SPAG16: variants seen among roughly 807,000 people sequenced by gnomAD.
SPAG16 encodes the protein sperm-associated antigen 16 protein.
Under a neutral mutation model 80.4 loss-of-function variants are expected in SPAG16, and 86 were observed. The observed-to-expected ratio is 1.07, with a 90% confidence interval of 0.90 to 1.28. The LOEUF (loss-of-function observed/expected upper bound fraction) is 1.28, where lower values mean the gene tolerates loss of function less well. Ranked by LOEUF, SPAG16 falls within the 50% of genes most tolerant of loss-of-function variation. The pLI, the probability that SPAG16 is intolerant of heterozygous loss-of-function variation, is 0.00. For missense variants in SPAG16, 870 were observed against 765.3 expected, an observed-to-expected ratio of 1.14 and a Z score of -1.61; for synonymous variants, 294 against 265.9, an observed-to-expected ratio of 1.11 and a Z score of -1.03.
intron 13 of SPAG16, among the ~76,000 whole-genome samples, chr2:214,027,766 A>G (rs1249797787): frequency 2.0e-5 from 3 of 151,898 alleles, no homozygotes; most frequent in East Asian, 3.8e-4. Flanking sequence ...ATTAATTTCT[A>G]TATCTGTAAT....
At chr2:214,374,932 T>C (rs922198294) in intron 15 of SPAG16, among the ~76,000 whole-genome samples, 1 of 152,144 alleles carries the variant, frequency 6.6e-6, no homozygotes, top group African/African-American at 2.4e-5. Context: ...TGATTCAATA[T>C]CCTCAACTAT....
At position 214,274,735 on chromosome 2, in the gene SPAG16, C is replaced by A. The variant is rs868232060; in HGVS notation, c.1720+125469C>A. Reference sequence around the variant, plus strand: ...TGAGGATTTTTGCATCGATGTTCATCAGGGATATTGGTCTAAAATTCTCTT... The same window carrying A: ...TGAGGATTTTTGCATCGATGTTCATAAGGGATATTGGTCTAAAATTCTCTT... On this transcript the variant is annotated intron_variant, in intron 15 of 15. Coordinates refer to ENST00000331683, the MANE Select transcript of SPAG16 (RefSeq NM_024532.5). 5.9e-5 allele frequency among the ~76,000 whole-genome samples: 9 copies of A among 152,272 alleles called. No homozygotes were observed. In the Middle Eastern group the frequency reaches 0.01, roughly 173 times the overall value.
In SPAG16 at chr2:214,012,284, A is replaced by AT. The variant is rs1483720818; in HGVS notation, c.1401-1666dup. On this transcript the variant is annotated intron_variant, in intron 12 of 15. Coordinates refer to ENST00000331683, the MANE Select transcript of SPAG16 (RefSeq NM_024532.5). ...CATATATATATATATATATATATAT[A>AT]TATATTTTTTTTTTTTTTTTTTTTT... 7.8e-3 allele frequency among the ~76,000 whole-genome samples: 426 copies of AT among 54,528 alleles called. 14 individuals are homozygous for AT. The highest frequency in any genetic ancestry group is 0.011 in the Non-Finnish European group (371 of 34,274). The allele number at this position is 54,528 out of a possible 152,430, so 35.8% of individuals were successfully genotyped here.
chr2:214,147,507 T>C (rs377559115), intron 14 of SPAG16, among the ~76,000 whole-genome samples: 1 of 152,218 alleles, frequency 6.6e-6, no homozygotes, highest in East Asian at 1.9e-4. Flanking sequence ...GTTCCCAAAA[T>C]TGAAAAAAAT....
At chr2:213,346,492 C>T (rs1346392884) in intron 6 of SPAG16, among the ~76,000 whole-genome samples, 1 of 152,140 alleles carries the variant, frequency 6.6e-6, no homozygotes, top group Non-Finnish European at 1.5e-5. Flanking sequence ...AGTTTTTGCC[C>T]ATTCAGTATG....
At chr2:214,076,692 C>G (rs73987150) in intron 13 of SPAG16, among the ~76,000 whole-genome samples, 1 of 151,940 alleles carries the variant, frequency 6.6e-6, no homozygotes, top group African/African-American at 2.4e-5. Flanking sequence ...TCTTGTAGTT[C>G]TTATTATAGA....
rs114538879 is a variant in SPAG16, at chr2:213,431,222, G to A, written c.942+56103G>A. Among the ~76,000 whole-genome samples the A allele has an allele frequency of 9.8e-3, 1,479 of 151,654 alleles. 13 individuals are homozygous for A. The highest frequency in any genetic ancestry group is 0.015 in the Non-Finnish European group (994 of 67,838). ...ACTCCACCAAACCAGAAAGACAAAC[G>A]GAGGGGAAAAAAAAGAATCTACAAA... On this transcript the variant is annotated intron_variant, in intron 9 of 15. Transcript: ENST00000331683.
intron 10 of SPAG16, among the ~76,000 whole-genome samples, chr2:213,612,581 A>G (rs1221010032): frequency 6.6e-6 from 1 of 152,230 alleles, no homozygotes; most frequent in Non-Finnish European, 1.5e-5. Context: ...TGGTTCAAAA[A>G]TCATAAAATC....
chr2:214,085,696 G>A (rs972692884), intron 13 of SPAG16, among the ~76,000 whole-genome samples: 1 of 152,128 alleles, frequency 6.6e-6, no homozygotes, highest in Non-Finnish European at 1.5e-5. Flanking sequence ...ACTACAAAGA[G>A]AACAATTCCA....
At chr2:214,278,617 C>T (rs1692657240) in intron 15 of SPAG16, among the ~76,000 whole-genome samples, 1 of 151,976 alleles carries the variant, frequency 6.6e-6, no homozygotes, top group Non-Finnish European at 1.5e-5. Context: ...TTCTAAGAAG[C>T]ACTATCTTTG....
chr2:213,472,726 G>C (rs563024705), intron 9 of SPAG16, among the ~76,000 whole-genome samples: 7 of 152,024 alleles, frequency 4.6e-5, no homozygotes, highest in Admixed American at 1.3e-4. Context: ...ATTCAGACCT[G>C]AGCTAAAACT....
intron 10 of SPAG16, among the ~76,000 whole-genome samples, chr2:213,762,298 T>A (rs935851173): frequency 2.0e-5 from 3 of 152,176 alleles, no homozygotes; most frequent in African/African-American, 4.8e-5. Flanking sequence ...GTAATGTGGT[T>A]GTACAACATT....
intron 10 of SPAG16, among the ~76,000 whole-genome samples, chr2:213,822,717 T>TC (rs2073022326): frequency 1.3e-5 from 2 of 152,094 alleles, no homozygotes. Flanking sequence ...TCCTCTAAGT[T>TC]CCCTCTCCTC....
At chr2:213,833,384 A>G (rs1382411272) in intron 10 of SPAG16, among the ~76,000 whole-genome samples, 1 of 119,890 alleles carries the variant, frequency 8.3e-6, no homozygotes, top group Admixed American at 1.2e-4. Context: ...GAGCAGAGGC[A>G]TGAGGCATGT....
At chr2:213,944,744 T>C (rs2079365366) in intron 12 of SPAG16, among the ~76,000 whole-genome samples, 1 of 152,116 alleles carries the variant, frequency 6.6e-6, no homozygotes, top group South Asian at 2.1e-4. Flanking sequence ...GAAGCTTAAA[T>C]TCCCAATGTG....
At chr2:213,323,102 A>G (rs972198102) in intron 5 of SPAG16, among the ~76,000 whole-genome samples, 1 of 152,192 alleles carries the variant, frequency 6.6e-6, no homozygotes, top group Non-Finnish European at 1.5e-5. Context: ...TCAAAAGTAA[A>G]CGAGAAATCA....
chr2:214,319,382 C>T (rs180821133), intron 15 of SPAG16, among the ~76,000 whole-genome samples: 16 of 151,276 alleles, frequency 1.1e-4, no homozygotes, highest in Admixed American at 4.0e-4. Flanking sequence ...GTTTCAGAGA[C>T]ATTAATGTGG....
At chr2:213,355,322 G>C (rs2065576112) in intron 7 of SPAG16, among the ~76,000 whole-genome samples, 1 of 152,082 alleles carries the variant, frequency 6.6e-6, no homozygotes, top group East Asian at 1.9e-4. Flanking sequence ...TGTTCTTTTT[G>C]CTTAGGATTG....
chr2:213,780,571 C>CTTTTTTTTTTTTTTTT (rs367744311), intron 10 of SPAG16, among the ~76,000 whole-genome samples: 3 of 124,606 alleles, frequency 2.4e-5, no homozygotes, highest in African/African-American at 3.0e-5. Flanking sequence ...TCTTTTCTTT[C>CTTTTTTTTTTTTTTTT]TTTTTTTTTT....
Sources: gnomAD v4.1 joint callset for allele counts (sites outside exome capture counted in the v4.1 genomes callset) on GRCh38, gnomAD v4.1.1 for gene constraint, MANE v1.5 for transcripts, NCBI Gene and HGNC (gene_info 2026-07-23, HGNC 2026-07-21) for gene names.